PCDH15: variants seen among roughly 807,000 people sequenced by gnomAD.
PCDH15 encodes protocadherin-15.
PCDH15 carries 129 observed loss-of-function variants against 178.5 expected under a neutral mutation model. That is an observed-to-expected ratio of 0.72 (90% CI 0.63 to 0.84). The LOEUF (loss-of-function observed/expected upper bound fraction) is 0.84, where lower values mean the gene tolerates loss of function less well. PCDH15 is among the 40% of genes least tolerant of loss of function. The pLI, the probability that PCDH15 is intolerant of heterozygous loss-of-function variation, is 0.00. For missense variants in PCDH15, 2,230 were observed against 2,099.9 expected, an observed-to-expected ratio of 1.06 and a Z score of -1.21; for synonymous variants, 800 against 732.0, an observed-to-expected ratio of 1.09 and a Z score of -1.50.
At chr10:55,312,197 G>C (rs1458912607) in intron 1 of PCDH15, among the ~76,000 whole-genome samples, 1 of 151,972 alleles carries the variant, frequency 6.6e-6, no homozygotes, top group African/African-American at 2.4e-5. Flanking sequence ...CAAGAAAAAA[G>C]CCGAAGAAAG....
chr10:55,600,752 T>G (rs2132144090), intron 2 of PCDH15, among the ~76,000 whole-genome samples: 1 of 152,290 alleles, frequency 6.6e-6, no homozygotes, highest in South Asian at 2.1e-4. Context: ...ACTAGGATTT[T>G]TACACAATAT....
intron 2 of PCDH15, among the ~76,000 whole-genome samples, chr10:54,956,192 G>T (rs1838480550): frequency 6.6e-6 from 1 of 151,140 alleles, no homozygotes; most frequent in South Asian, 2.1e-4. Flanking sequence ...TACTACAGGT[G>T]ACTAGACCAC....
At chr10:55,027,896 T>A (rs1391600518) in intron 2 of PCDH15, among the ~76,000 whole-genome samples, 1 of 151,900 alleles carries the variant, frequency 6.6e-6, no homozygotes, top group South Asian at 2.1e-4. Context: ...TAAGTGAATT[T>A]CTTCCTATTC....
chr10:54,905,274 G>T (rs1954700189), intron 2 of PCDH15, among the ~76,000 whole-genome samples: 2 of 151,998 alleles, frequency 1.3e-5, no homozygotes, highest in South Asian at 4.1e-4. Flanking sequence ...GTCAGAACTT[G>T]GGCACAGGCT....
intron 2 of PCDH15, among the ~76,000 whole-genome samples, chr10:54,939,742 A>G (rs1838011781): frequency 6.6e-6 from 1 of 152,154 alleles, no homozygotes; most frequent in African/African-American, 2.4e-5. Context: ...AGGCACCGAC[A>G]AATATGACAT....
At chr10:54,897,807 C>T (rs776124912) in intron 2 of PCDH15, among the ~76,000 whole-genome samples, 2 of 152,030 alleles carry the variant, frequency 1.3e-5, no homozygotes, top group Non-Finnish European at 2.9e-5. Context: ...ATTTCACAAG[C>T]AATATGGAAA....
chr10:54,172,957 G>T (rs1366254852), intron 13 of PCDH15, among the ~76,000 whole-genome samples: 1 of 152,146 alleles, frequency 6.6e-6, no homozygotes, highest in Middle Eastern at 3.2e-3. Flanking sequence ...ACACTGTTAA[G>T]TATATCAAGG....
chr10:54,130,268 T>G (rs2042321844), intron 15 of PCDH15, among the ~76,000 whole-genome samples: 1 of 152,112 alleles, frequency 6.6e-6, no homozygotes, highest in South Asian at 2.1e-4. Context: ...TTGTTGTATT[T>G]GATGATTTCT....
intron 1 of PCDH15, among the ~76,000 whole-genome samples, chr10:55,306,413 A>G (rs1412137908): frequency 1.3e-5 from 2 of 152,328 alleles, no homozygotes; most frequent in East Asian, 3.9e-4. Context: ...CCCTGAATCT[A>G]AAACTAATGA....
rs1211849666 is a variant in PCDH15, at chr10:54,446,864, T to C, written c.158-67922A>G. 2.0e-5 allele frequency among the ~76,000 whole-genome samples: 3 copies of C among 151,538 alleles called. No individual in the cohort carries two copies. The East Asian group carries it at 5.8e-4, about 29-fold the overall frequency. ...TGTTTCTTTGTCAAGCAGGAGAAGA[T>C]AACTTCAAGGTAACAAAAAACATTC... is the stretch of plus-strand genomic sequence containing the variant. On this transcript the variant is annotated intron_variant, in intron 3 of 37. Transcript: ENST00000644397.
At chr10:54,298,507 G>A (rs2059937207) in intron 8 of PCDH15, among the ~76,000 whole-genome samples, 2 of 152,192 alleles carry the variant, frequency 1.3e-5, no homozygotes, top group African/African-American at 4.8e-5. Flanking sequence ...TACCAGTGTG[G>A]CTTGCAAGGA....
chr10:55,394,985 C>A (rs796385808), intron 2 of PCDH15, among the ~76,000 whole-genome samples: 1 of 151,734 alleles, frequency 6.6e-6, no homozygotes, highest in Non-Finnish European at 1.5e-5. Flanking sequence ...ACTTGGGCAA[C>A]GTGAATTGTA....
chr10:55,400,584 G>T (rs966227962), intron 2 of PCDH15, among the ~76,000 whole-genome samples: 1 of 152,018 alleles, frequency 6.6e-6, no homozygotes, highest in Non-Finnish European at 1.5e-5. Context: ...TGCTCCCATG[G>T]TTATTCCTGA....
At chr10:54,165,874 A>C (rs2046174688) in intron 13 of PCDH15, among the ~76,000 whole-genome samples, 1 of 152,196 alleles carries the variant, frequency 6.6e-6, no homozygotes, top group African/African-American at 2.4e-5. Flanking sequence ...AAGAAACAGA[A>C]ACAATAACTT....
At chr10:55,173,806 C>A (rs760344530) in intron 1 of PCDH15, among the ~76,000 whole-genome samples, 2 of 152,014 alleles carry the variant, frequency 1.3e-5, no homozygotes, top group Non-Finnish European at 2.9e-5. Flanking sequence ...TTCCCTTAAA[C>A]TGAAACTTTA....
intron 18 of PCDH15, among the ~76,000 whole-genome samples, chr10:54,053,953 CAT>C (rs1305896388): frequency 1.3e-5 from 2 of 152,008 alleles, no homozygotes; most frequent in East Asian, 3.9e-4. Flanking sequence ...AAATTTGTAA[CAT>C]GTAAAATGAT....
intron 2 of PCDH15, among the ~76,000 whole-genome samples, chr10:54,656,203 T>C (rs1270071703): frequency 1.3e-5 from 2 of 152,066 alleles, no homozygotes; most frequent in Admixed American, 1.3e-4. Context: ...TGAATGGTAA[T>C]GATCTGAATG....
At chr10:54,647,470 T>C (rs2094155246) in intron 2 of PCDH15, among the ~76,000 whole-genome samples, 1 of 152,010 alleles carries the variant, frequency 6.6e-6, no homozygotes, top group South Asian at 2.1e-4. Context: ...AGATAACAAA[T>C]ACAGTATTGT....
chr10:55,405,022 A>G (rs982914236), intron 2 of PCDH15, among the ~76,000 whole-genome samples: 2 of 151,542 alleles, frequency 1.3e-5, no homozygotes, highest in African/African-American at 4.8e-5. Flanking sequence ...GTTCAGAAAT[A>G]TGTTCTGAAC....
Sources: allele counts gnomAD v4.1 joint callset (sites outside exome capture counted in the v4.1 genomes callset), GRCh38; gene constraint gnomAD v4.1.1; transcripts MANE v1.5; gene names NCBI Gene and HGNC (gene_info 2026-07-23, HGNC 2026-07-21).